Variants in INO80 observed in about 807,000 individuals in gnomAD.
The protein encoded by INO80 is INO80 complex ATPase subunit.
INO80 carries 20 observed loss-of-function variants against 203.4 expected under a neutral mutation model. The ratio of observed to expected loss-of-function variants is 0.10; its 90% confidence interval spans 0.07 to 0.14. INO80 has a LOEUF of 0.14. Ranked by LOEUF, INO80 falls within the 10% of genes least tolerant of loss-of-function variation. The pLI, the probability that INO80 is intolerant of heterozygous loss-of-function variation, is 1.00. For missense variants in INO80, 1,419 were observed against 1,914.4 expected, an observed-to-expected ratio of 0.74 and a Z score of 4.83; for synonymous variants, 726 against 685.2, an observed-to-expected ratio of 1.06 and a Z score of -0.93.
chr15:41,044,075 T>C (rs1037650223), intron 24 of INO80, among the ~76,000 whole-genome samples: 1 of 152,164 alleles, frequency 6.6e-6, no homozygotes. Flanking sequence ...TGCTGAATAA[T>C]AGCAAATCTC....
intron 5 of INO80, among the ~76,000 whole-genome samples, chr15:41,088,342 T>C (rs2045590857): frequency 6.6e-6 from 1 of 151,914 alleles, no homozygotes; most frequent in Non-Finnish European, 1.5e-5. Flanking sequence ...CCCATCTCAG[T>C]GTCAGCCCAC....
At chr15:41,110,515 T>C (rs979266820) in intron 1 of INO80, among the ~76,000 whole-genome samples, 1 of 152,106 alleles carries the variant, frequency 6.6e-6, no homozygotes, top group Admixed American at 6.6e-5. Context: ...CACAGCGCAC[T>C]ATAGCCTTGA....
chr15:41,056,857 A>C (rs1279078418), intron 16 of INO80, 151 bp from the exon 17 acceptor site: 1 of 623,254 alleles, frequency 1.6e-6, no homozygotes, highest in Non-Finnish European at 2.8e-6. Context: ...AACATTATTC[A>C]ACAAAGCTGA....
chr15:41,046,254 T>TTC (rs2044765171), intron 23 of INO80, among the ~76,000 whole-genome samples: 1 of 134,336 alleles, frequency 7.4e-6, no homozygotes, highest in Non-Finnish European at 1.6e-5. Flanking sequence ...TATATATATA[T>TTC]ATTCTTGTTC....
rs10650860 is a variant in INO80 at position 40,998,983 on chromosome 15, TACACAC to T, written c.3498-1388_3498-1383del. The stretch of plus-strand genomic sequence containing the variant: ...CAGGCTTTTGACTCTAAGATTTATC[TACACAC>T]ACACACACACACACACACACACACA... On this transcript the variant is annotated intron_variant, in intron 28 of 35. Transcript: ENST00000648947. Among the ~76,000 whole-genome samples, 965 of 140,422 alleles carry T rather than the reference TACACAC, an allele frequency of 6.9e-3. 9 individuals carry two copies. Among genetic ancestry groups the T allele is most frequent in the Middle Eastern group, 0.032 (9 of 282 alleles). 92.1% of individuals were successfully genotyped at this position (140,422 alleles called of 152,430 possible). A position where few individuals can be genotyped will look rare whatever the true frequency, so the allele number is the denominator to read the frequency against.
At position 40,980,142 on chromosome 15, in the gene INO80, CG is replaced by C. The variant is rs66470529; in HGVS notation, c.*80del. 577,386 of 1,138,234 alleles carry C rather than the reference CG, an allele frequency of 0.51. 152,215 individuals carry two copies. Among genetic ancestry groups the C allele is most frequent in the East Asian group, 0.66 (28,066 of 42,516 alleles). The allele number at this position is 1,138,234 out of a possible 1,614,324, so 70.5% of individuals were successfully genotyped here. A position where few individuals can be genotyped will look rare whatever the true frequency, so the allele number is the denominator to read the frequency against. ...CTGACTCAGGATGCAAGATGCTGCA[CG>C]GGGCAAGCCATCCAAAGACCACTGG... On this transcript the variant is annotated 3_prime_UTR_variant, in exon 36 of 36. Transcript: ENST00000648947.
At chr15:40,993,139 C>G (rs947935797) in intron 29 of INO80, among the ~76,000 whole-genome samples, 5 of 152,174 alleles carry the variant, frequency 3.3e-5, no homozygotes, top group African/African-American at 1.2e-4. Context: ...AATTCCTACT[C>G]TTATTCCTCT....
chr15:41,036,877 G>A (rs1421821420), intron 24 of INO80, among the ~76,000 whole-genome samples: 4 of 152,096 alleles, frequency 2.6e-5, no homozygotes, highest in East Asian at 1.9e-4. Flanking sequence ...AGGTCAGGCC[G>A]GTTACTTGAG....
At chr15:40,982,756 A>G in intron 35 of INO80, 106 bp downstream of exon 35, 1 of 913,856 alleles carries the variant, frequency 1.1e-6, no homozygotes, top group African/African-American at 1.7e-5. Context: ...GGCTCTAGGA[A>G]GAAAGCTCCC....
rs1376941716 is a variant in INO80, at chr15:41,116,227, G to A, written c.-298C>T. 2.5e-6 allele frequency: 1 copy of A among 404,510 alleles called. No homozygotes were observed. Among genetic ancestry groups the A allele is most frequent in the Non-Finnish European group, 4.3e-6 (1 of 231,196 alleles). The allele number at this position is 404,510 out of a possible 1,614,324, so 25.1% of individuals were successfully genotyped here. A position where few individuals can be genotyped will look rare whatever the true frequency, so the allele number is the denominator to read the frequency against. ...GGCGGCGGCCACTTTCACTCACTGAGAGGAGCGGAGCAGGGACACGGGGAG... is the reference window on the plus strand; with the variant it reads ...GGCGGCGGCCACTTTCACTCACTGAAAGGAGCGGAGCAGGGACACGGGGAG... On this transcript the variant is annotated 5_prime_UTR_variant, in exon 1 of 36. Coordinates refer to ENST00000648947, the MANE Select transcript of INO80 (RefSeq NM_017553.3).
chr15:41,099,065 C>T (rs2045766154), intron 1 of INO80, among the ~76,000 whole-genome samples: 1 of 151,302 alleles, frequency 6.6e-6, no homozygotes, highest in Non-Finnish European at 1.5e-5. Flanking sequence ...GGCAACATAG[C>T]AGGACCGTGT....
intron 29 of INO80, among the ~76,000 whole-genome samples, chr15:40,992,918 G>T (rs1170922245): frequency 6.6e-6 from 1 of 152,058 alleles, no homozygotes; most frequent in Non-Finnish European, 1.5e-5. Context: ...TCAGCCTCCC[G>T]AGTATCTGGG....
chr15:41,040,650 T>C (rs2044651802), intron 24 of INO80, among the ~76,000 whole-genome samples: 1 of 152,070 alleles, frequency 6.6e-6, no homozygotes, highest in Admixed American at 6.6e-5. Flanking sequence ...GGCCGGAGGA[T>C]TGTTTGAGGC....
At chr15:41,101,762 GGA>G (rs2045810948) in intron 1 of INO80, among the ~76,000 whole-genome samples, 1 of 151,888 alleles carries the variant, frequency 6.6e-6, no homozygotes, top group African/African-American at 2.4e-5. Flanking sequence ...GTGTTAGCCA[GGA>G]TGATCTCGAT....
At chr15:41,093,688 A>T (rs1566946591) in intron 4 of INO80, among the ~76,000 whole-genome samples, 1 of 151,662 alleles carries the variant, frequency 6.6e-6, no homozygotes, top group Non-Finnish European at 1.5e-5. Flanking sequence ...ACATGGTGAA[A>T]CCCCCAAAAA....
intron 19 of INO80, among the ~76,000 whole-genome samples, chr15:41,050,883 C>T (rs1301288822): frequency 6.6e-6 from 1 of 152,110 alleles, no homozygotes; most frequent in Non-Finnish European, 1.5e-5. Context: ...CCTGTAATCC[C>T]AGGACTTTGG....
At chr15:41,055,063 CTTT>C (rs1388536058) in intron 18 of INO80, among the ~76,000 whole-genome samples, 181 bp downstream of exon 18, 1 of 152,152 alleles carries the variant, frequency 6.6e-6, no homozygotes, top group Non-Finnish European at 1.5e-5. Context: ...TAAATTAGTT[CTTT>C]TTTGACTGTT....
chr15:41,095,526 G>A lies in INO80; in HGVS notation c.381+75C>T, dbSNP rs2045709656. 8 of 1,026,506 alleles carry A rather than the reference G, an allele frequency of 7.8e-6. No individual in the cohort carries two copies. The South Asian group carries it at 9.8e-5, about 13-fold the overall frequency. 63.6% of individuals were successfully genotyped at this position (1,026,506 alleles called of 1,614,324 possible). ...AAAAACTCTGTCAATCTGCCAAAAT[G>A]AGTTGATAACTTTCCCATCTATTAG... On this transcript the variant is annotated intron_variant, in intron 4 of 35. Coordinates refer to ENST00000648947, the MANE Select transcript of INO80 (RefSeq NM_017553.3).
At chr15:41,086,850 G>A (rs1023256184) in intron 6 of INO80, among the ~76,000 whole-genome samples, 8 of 151,930 alleles carry the variant, frequency 5.3e-5, no homozygotes, top group African/African-American at 1.5e-4. Flanking sequence ...AAATCACCTC[G>A]GACAGCAACA....
Sources: gnomAD v4.1 joint callset for allele counts (sites outside exome capture counted in the v4.1 genomes callset) on GRCh38, gnomAD v4.1.1 for gene constraint, MANE v1.5 for transcripts, NCBI Gene and HGNC (gene_info 2026-07-23, HGNC 2026-07-21) for gene names.